Variants in FAM120C observed in about 807,000 individuals in gnomAD.
FAM120C encodes constitutive coactivator of PPAR-gamma-like protein 2.
A neutral mutation model predicts 71.2 loss-of-function variants in FAM120C; 14 were observed. That is an observed-to-expected ratio of 0.20 (90% confidence interval 0.13 to 0.31). The LOEUF (loss-of-function observed/expected upper bound fraction) is 0.31. Ranked by LOEUF, FAM120C falls within the 10% of genes least tolerant of loss-of-function variation. The pLI is 1.00. For synonymous variants in FAM120C, 354 were observed against 353.2 expected, an observed-to-expected ratio of 1.00 and a Z score of -0.03; for missense variants, 500 against 879.0, an observed-to-expected ratio of 0.57 and a Z score of 5.45.
intron 9 of FAM120C, among the ~76,000 whole-genome samples, chrX:54,125,749 A>G (rs1742146854): frequency 8.9e-6 from 1 of 112,884 alleles, no homozygotes; most frequent in Non-Finnish European, 1.9e-5. Context: ...CATCTTGTCT[A>G]TATTTACAAA....
chrX:54,127,911 T>C (rs1275790069), intron 9 of FAM120C, among the ~76,000 whole-genome samples: 2 of 111,021 alleles, frequency 1.8e-5, no homozygotes, highest in East Asian at 5.7e-4. Context: ...TTTTTTGATA[T>C]AATGATTTCT....
At chrX:54,108,683 C>T (rs922741063) in intron 10 of FAM120C, among the ~76,000 whole-genome samples, 8 of 111,219 alleles carry the variant, frequency 7.2e-5, no homozygotes, top group Middle Eastern at 4.6e-3. Flanking sequence ...GTAATCCCAG[C>T]ACTTTGGGAG....
chrX:54,126,938 C>T (rs1383562203), intron 9 of FAM120C, among the ~76,000 whole-genome samples: 1 of 112,609 alleles, frequency 8.9e-6, no homozygotes, highest in African/African-American at 3.2e-5. Context: ...TTATAATCAA[C>T]AGAAATTGAT....
chrX:54,182,653 C>A lies in FAM120C; in HGVS notation c.546G>T (p.Glu182Asp). 1 of 1,207,683 alleles carries A rather than the reference C, an allele frequency of 8.3e-7. No individual in the cohort carries two copies. The highest frequency in any genetic ancestry group is 1.1e-6 in the Non-Finnish European group (1 of 894,166). Residue 182 changes from glutamate (E) to aspartate (D), a missense_variant, in exon 1 of 16, where the codon GAG (glutamate) becomes GAT (aspartate). This residue lies in a region of FAM120C where 45 missense variants were observed against 140.2 expected (regional missense o/e 0.32). Transcript: ENST00000375180. ...PGGLGKDRLA[E>D]WGRRCQAERQ... ...GCTCGGCCTGGCACCGACGGCCCCA[C>A]TCGGCCAGCCGGTCCTTGCCCAGGC... is the stretch of plus-strand genomic sequence containing the variant.
At chrX:54,115,139 G>C (rs1337724526) in intron 10 of FAM120C, among the ~76,000 whole-genome samples, 19 of 111,977 alleles carry the variant, frequency 1.7e-4, no homozygotes, top group African/African-American at 5.5e-4. Context: ...TAAACAAATT[G>C]TGACTGATAC....
intron 10 of FAM120C, among the ~76,000 whole-genome samples, chrX:54,105,423 C>A (rs2066901978): frequency 9.0e-6 from 1 of 111,600 alleles, no homozygotes; most frequent in African/African-American, 3.3e-5. Context: ...ATAATAAGAG[C>A]TGTTTATGAC....
intron 8 of FAM120C, 85 bp from the exon 9 acceptor site, chrX:54,132,948 G>A (rs1444627891): frequency 1.3e-6 from 1 of 766,759 alleles, no homozygotes; most frequent in Non-Finnish European, 1.8e-6. Context: ...ATAATAAACT[G>A]TAGCCTCTGT....
intron 9 of FAM120C, 30 bp from the exon 10 acceptor site, chrX:54,116,824 C>T (rs781891060): frequency 4.2e-6 from 5 of 1,195,369 alleles, no homozygotes; most frequent in Non-Finnish European, 4.5e-6. Context: ...GAAAAAGAGG[C>T]TCTAGAGAAT....
At chrX:54,158,153 C>T (rs782527112) in intron 2 of FAM120C, among the ~76,000 whole-genome samples, 24 of 112,299 alleles carry the variant, frequency 2.1e-4, no homozygotes, top group Non-Finnish European at 3.4e-4. Context: ...ATAGCAGCCA[C>T]CAATTACTAA....
intron 3 of FAM120C, among the ~76,000 whole-genome samples, chrX:54,152,340 G>A (rs2067188266): frequency 9.0e-6 from 1 of 111,527 alleles, no homozygotes. Flanking sequence ...GTGCACACAT[G>A]TGCAGTTCCT....
At chrX:54,110,734 G>A (rs1221022013) in intron 10 of FAM120C, among the ~76,000 whole-genome samples, 1 of 110,271 alleles carries the variant, frequency 9.1e-6, no homozygotes, top group Non-Finnish European at 1.9e-5. Context: ...AACATAGTGA[G>A]AGCCTGTCTC....
At chrX:54,113,917 A>C (rs1385941423) in intron 10 of FAM120C, among the ~76,000 whole-genome samples, 3 of 110,435 alleles carry the variant, frequency 2.7e-5, no homozygotes, top group African/African-American at 6.6e-5. Flanking sequence ...ACTCCATCTC[A>C]AAAAAAAGAA....
At chrX:54,136,841 G>A (rs2067096935) in intron 4 of FAM120C, among the ~76,000 whole-genome samples, 1 of 110,348 alleles carries the variant, frequency 9.1e-6, no homozygotes, top group African/African-American at 3.3e-5. Flanking sequence ...AAATACAATG[G>A]GATAAGGGGG....
chrX:54,135,647 A>G, intron 5 of FAM120C, 43 bp from the exon 6 acceptor site: 1 of 1,074,053 alleles, frequency 9.3e-7, no homozygotes. Context: ...AATCCTAATA[A>G]TTTTACCATG....
intron 9 of FAM120C, among the ~76,000 whole-genome samples, chrX:54,126,427 C>G (rs782217781): frequency 1.8e-5 from 2 of 111,938 alleles, no homozygotes; most frequent in East Asian, 5.6e-4. Flanking sequence ...GCCAAACCCA[C>G]GTATATAGAG....
intron 1 of FAM120C, 76 bp from the exon 2 acceptor site, chrX:54,159,692 TA>T: frequency 9.5e-7 from 1 of 1,054,991 alleles, no homozygotes; most frequent in Non-Finnish European, 1.3e-6. Flanking sequence ...GTTTAGCAAC[TA>T]AATTTTATAG....
intron 4 of FAM120C, among the ~76,000 whole-genome samples, chrX:54,137,876 C>A: frequency 9.0e-6 from 1 of 111,536 alleles, no homozygotes; most frequent in Non-Finnish European, 1.9e-5. Context: ...GTTTGGAAAA[C>A]AATTTGGCAG....
intron 10 of FAM120C, among the ~76,000 whole-genome samples, chrX:54,092,349 GC>G (rs1557122736): frequency 9.0e-6 from 1 of 110,950 alleles, no homozygotes; most frequent in East Asian, 2.8e-4. Flanking sequence ...TTTGAGACCA[GC>G]CTGGCCAATG....
intron 15 of FAM120C, among the ~76,000 whole-genome samples, chrX:54,073,531 G>C (rs2066721061): frequency 1.8e-5 from 2 of 109,704 alleles, no homozygotes; most frequent in Admixed American, 2.0e-4. Context: ...CAAGGTTCAA[G>C]CAATCCTCCC....
Sources: allele counts gnomAD v4.1 joint callset (sites outside exome capture counted in the v4.1 genomes callset), GRCh38; gene constraint gnomAD v4.1.1; regional missense constraint gnomAD v4.1.1; transcripts MANE v1.5; gene names NCBI Gene and HGNC (gene_info 2026-07-23, HGNC 2026-07-21).